PVT1: variants seen among roughly 807,000 people sequenced by gnomAD.
The protein encoded by PVT1 is CXCR4/PVT1 fusion.
At chr8:127,920,202 A>G (rs1816040386) in intron 3 of PVT1, among the ~76,000 whole-genome samples, 1 of 152,240 alleles carries the variant, frequency 6.6e-6, no homozygotes, top group African/African-American at 2.4e-5. Context: ...TCAGTCATTT[A>G]CTGATGGCCA....
intron 2 of PVT1, among the ~76,000 whole-genome samples, chr8:127,880,020 G>A (rs1012512843): frequency 6.6e-6 from 1 of 152,194 alleles, no homozygotes; most frequent in Non-Finnish European, 1.5e-5. Context: ...GTGTGCTGAC[G>A]TACTGGGGCC....
intron 5 of PVT1, among the ~76,000 whole-genome samples, chr8:128,095,231 A>T (rs1374521096): frequency 6.6e-6 from 1 of 152,170 alleles, no homozygotes; most frequent in African/African-American, 2.4e-5. Flanking sequence ...TGTGCCCCTC[A>T]CAAGTTCTAG....
intron 2 of PVT1, among the ~76,000 whole-genome samples, chr8:127,879,723 C>T (rs967327443): frequency 5.9e-5 from 9 of 152,180 alleles, no homozygotes; most frequent in African/African-American, 1.9e-4. Context: ...TACAGGAACA[C>T]AACCAATGCT....
chr8:127,834,641 G>C (rs1476803342), intron 2 of PVT1, among the ~76,000 whole-genome samples: 1 of 152,126 alleles, frequency 6.6e-6, no homozygotes, highest in Non-Finnish European at 1.5e-5. Flanking sequence ...GGAACCTACA[G>C]AATGGGAGAA....
chr8:127,931,163 C>T lies in PVT1; in HGVS notation n.782+40165C>T, dbSNP rs530060920. ...TCAAGCCATCTGCCTACCTTAGCCT[C>T]ATAAAGTGCTGGAATTGCAGGTGTG... On this transcript the variant is annotated intron_variant and non_coding_transcript_variant, in intron 3 of 10. Transcript: ENST00000651587. Among the ~76,000 whole-genome samples the T allele has an allele frequency of 5.0e-4, 76 of 152,330 alleles. 1 individual carries two copies. The highest frequency in any genetic ancestry group is 2.5e-4 in the Non-Finnish European group (17 of 68,036).
At chr8:127,959,321 T>C (rs545525834) in intron 3 of PVT1, among the ~76,000 whole-genome samples, 1 of 152,164 alleles carries the variant, frequency 6.6e-6, no homozygotes, top group South Asian at 2.1e-4. Context: ...GCGCGGTGGC[T>C]CACGCCTGTA....
At chr8:127,935,248 G>A (rs1816259078) in intron 3 of PVT1, among the ~76,000 whole-genome samples, 1 of 152,136 alleles carries the variant, frequency 6.6e-6, no homozygotes, top group African/African-American at 2.4e-5. Flanking sequence ...TTACAGGCGT[G>A]AGCCCTGTAA....
intron 4 of PVT1, among the ~76,000 whole-genome samples, chr8:128,063,007 A>G (rs1279789117): frequency 6.6e-6 from 1 of 152,168 alleles, no homozygotes; most frequent in Non-Finnish European, 1.5e-5. Context: ...TCACTGGAAG[A>G]AAGGGACAGA....
At chr8:127,976,557 G>C (rs1816824675) in intron 3 of PVT1, among the ~76,000 whole-genome samples, 1 of 152,144 alleles carries the variant, frequency 6.6e-6, no homozygotes, top group African/African-American at 2.4e-5. Context: ...TGACCCCCTA[G>C]GGATTTGTGG....
intron 5 of PVT1, among the ~76,000 whole-genome samples, chr8:128,075,852 C>T (rs180878178): frequency 6.6e-6 from 1 of 152,326 alleles, no homozygotes; most frequent in East Asian, 1.9e-4. Flanking sequence ...TATCTGCTTT[C>T]CCATTCATTA....
chr8:128,067,840 GTT>G (rs1813928515), intron 4 of PVT1, among the ~76,000 whole-genome samples: 1 of 152,000 alleles, frequency 6.6e-6, no homozygotes, highest in South Asian at 2.1e-4. Context: ...CCCCAGAGGG[GTT>G]TTAAGGATGG....
intron 5 of PVT1, among the ~76,000 whole-genome samples, chr8:128,078,965 T>C (rs1253161445): frequency 6.9e-6 from 1 of 145,922 alleles, no homozygotes; most frequent in Non-Finnish European, 1.5e-5. Flanking sequence ...TTAGGGTTTT[T>C]TTGTTTTGTT....
chr8:127,886,810 C>G lies in PVT1; in HGVS notation n.373-3779C>G, dbSNP rs140217478. 9.7e-3 allele frequency among the ~76,000 whole-genome samples: 1,479 copies of G among 152,242 alleles called. 31 individuals are homozygous for G. The highest frequency in any genetic ancestry group is 0.034 in the African/African-American group (1,420 of 41,540). ...TCATGGGGACGGTCCCCATAACTATCTTTTTTCTTAAGAATGGATTACATT... is the reference window on the plus strand; with the variant it reads ...TCATGGGGACGGTCCCCATAACTATGTTTTTTCTTAAGAATGGATTACATT... On this transcript the variant is annotated intron_variant and non_coding_transcript_variant, in intron 2 of 10. Coordinates refer to ENST00000651587, the Ensembl canonical transcript of PVT1.
intron 4 of PVT1, among the ~76,000 whole-genome samples, chr8:128,028,048 C>T (rs925774127): frequency 7.9e-5 from 12 of 152,232 alleles, no homozygotes; most frequent in South Asian, 2.1e-4. Flanking sequence ...TCCTGCCCTC[C>T]GTCCCGCCAC....
At chr8:128,041,421 T>G (rs1256950614) in intron 4 of PVT1, among the ~76,000 whole-genome samples, 3 of 147,844 alleles carry the variant, frequency 2.0e-5, no homozygotes, top group African/African-American at 5.1e-5. Flanking sequence ...GTGTTTGTGC[T>G]CGTGTGTTTG....
chr8:127,973,292 A>G (rs1252818789), intron 3 of PVT1, among the ~76,000 whole-genome samples: 2 of 152,158 alleles, frequency 1.3e-5, no homozygotes, highest in Non-Finnish European at 2.9e-5. Context: ...TGACAGGGGT[A>G]CATAGGAAAT....
intron 4 of PVT1, among the ~76,000 whole-genome samples, chr8:128,028,262 G>A (rs948733815): frequency 6.6e-6 from 1 of 152,256 alleles, no homozygotes; most frequent in Non-Finnish European, 1.5e-5. Context: ...TGGCTCCTGG[G>A]ACCTGGCTGC....
chr8:128,041,619 G>GTGTA (rs55728955), intron 4 of PVT1, among the ~76,000 whole-genome samples: 84,082 of 148,352 alleles, frequency 0.57, 24,162 homozygotes, highest in East Asian at 0.79. Context: ...TGGTGTGTGT[G>GTGTA]TGTGTGTTGT....
intron 4 of PVT1, among the ~76,000 whole-genome samples, chr8:127,990,835 A>T (rs1191606802): frequency 6.6e-6 from 1 of 152,186 alleles, no homozygotes; most frequent in African/African-American, 2.4e-5. Flanking sequence ...AGGATACTAC[A>T]TACTCCCTAG....
Sources: allele counts gnomAD v4.1 joint callset (sites outside exome capture counted in the v4.1 genomes callset), GRCh38; gene constraint gnomAD v4.1.1; transcripts MANE v1.5; gene names NCBI Gene and HGNC (gene_info 2026-07-23, HGNC 2026-07-21).